Variants in FBRS observed in about 807,000 individuals in gnomAD.
FBRS encodes the protein fibrosin, also known as probable fibrosin-1.
FBRS carries 15 observed loss-of-function variants against 86.1 expected under a neutral mutation model. The ratio of observed to expected loss-of-function variants is 0.17; its 90% CI spans 0.12 to 0.27. The LOEUF is 0.27. Ranked by LOEUF, FBRS falls within the 10% of genes least tolerant of loss-of-function variation. The probability of loss-of-function intolerance (pLI) is 1.00; values close to 1 mark genes in which losing one functional copy is unlikely to be tolerated. For synonymous variants in FBRS, 666 were observed against 575.8 expected (o/e 1.16, Z -2.24); for missense variants, 1,367 against 1,301.6 (o/e 1.05, Z -0.77).
Position 30,670,170 on chromosome 16 carries a change from T to C in FBRS, c.*525T>C, listed in dbSNP as rs2052579784. ...CCCCTCCCAACAGTTCCCTTCCTGG[T>C]TAATTAAACCCTCAGACTGGTGCTG... On this transcript the variant is annotated 3_prime_UTR_variant, in exon 18 of 18. Coordinates refer to ENST00000356166, the MANE Select transcript of FBRS (RefSeq NM_001105079.3). The C allele has an allele frequency of 2.2e-6, 1 of 458,466 alleles. No homozygotes were observed. Among genetic ancestry groups the C allele is most frequent in the Admixed American group, 2.3e-5 (1 of 42,566 alleles). The allele number at this position is 458,466 out of a possible 1,614,324, so 28.4% of individuals were successfully genotyped here.
chr16:30,670,384 A>G lies in FBRS; in HGVS notation c.*739A>G, dbSNP rs1043939468. The G allele has an allele frequency of 3.3e-5, 12 of 361,416 alleles. No homozygotes were observed. Among genetic ancestry groups the G allele is most frequent in the Non-Finnish European group, 6.5e-5 (12 of 184,986 alleles). 22.4% of individuals were successfully genotyped at this position (361,416 alleles called of 1,614,324 possible). ...TTGGCTGACAGCCCCGGTTCCCCCA[A>G]CATGTTCCCGTTCACTCTGCCCCCA... On this transcript the variant is annotated 3_prime_UTR_variant, in exon 18 of 18. Transcript: ENST00000356166.
At chr16:30,660,226 T>C in intron 1 of FBRS, 37 bp from the exon 2 acceptor site, 1 of 1,333,798 alleles carries the variant, frequency 7.5e-7, no homozygotes, top group Non-Finnish European at 9.7e-7. Flanking sequence ...GAGCTTGCCC[T>C]TTTCCATCTA....
rs1567543370 is a variant in FBRS, at chr16:30,660,282, C to G, written c.479C>G (p.Pro160Arg). The G allele has an allele frequency of 7.6e-7, 1 of 1,309,448 alleles. No individual in the cohort carries two copies. The highest frequency in any genetic ancestry group is 9.8e-7 in the Non-Finnish European group (1 of 1,021,586). 81.1% of individuals were successfully genotyped at this position (1,309,448 alleles called of 1,614,324 possible). Residue 160 changes from proline to arginine, a missense_variant, in exon 2 of 18, where the codon CCC becomes CGC. Transcript: ENST00000356166. ...EALQKDASLQ[P>R]PERLEHRLKH... ...CCACAGAAGGATGCATCTCTTCAGC[C>G]CCCAGAGCGACTGGAACATCGGCTG...
chr16:30,661,732 C>A, intron 4 of FBRS, among the ~76,000 whole-genome samples: 1 of 152,114 alleles, frequency 6.6e-6, no homozygotes, highest in East Asian at 1.9e-4. Flanking sequence ...TCATTGTAGT[C>A]AGTGTAGGGA....
rs1490634181 is a variant in FBRS, at chr16:30,669,142, C to G, written c.2440C>G (p.Pro814Ala). 2.5e-6 allele frequency: 4 copies of G among 1,570,576 alleles called. No homozygotes were observed. Among genetic ancestry groups the G allele is most frequent in the Non-Finnish European group, 3.5e-6 (4 of 1,158,888 alleles). Residue 814 changes from proline to alanine, a missense_variant, in exon 18 of 18, where the codon CCT (proline) becomes GCT (alanine). Physicochemically the swap from Pro to Ala is conservative, Grantham distance 27 (BLOSUM62 -1). Around this residue, in one of 3 missense-constraint regions of FBRS, gnomAD observed 659 missense variants for 678.8 expected, o/e 0.97. Transcript: ENST00000356166. This position sits in a 1 kb window ranked among gnomAD's most constrained non-coding sequence, Gnocchi z 5.9. ...TPKARAGEEG[P>A]RPTKESVRVK... is the part of the protein sequence containing the mutation. ...CAAGGCCCGGGCTGGTGAGGAGGGG[C>G]CTCGGCCAACCAAGGAATCTGTGCG...
intron 11 of FBRS, chr16:30,666,275 C>T: frequency 1.7e-6 from 1 of 598,666 alleles, no homozygotes; most frequent in Admixed American, 3.0e-5. Flanking sequence ...GCCCCCTCAC[C>T]ACCCGCAGCC....
Position 30,669,608 on chromosome 16 carries a change from C to T in FBRS, c.2906C>T (p.Pro969Leu). 1 of 1,608,398 alleles carries T rather than the reference C, an allele frequency of 6.2e-7. No individual in the cohort carries two copies. The highest frequency in any genetic ancestry group is 8.5e-7 in the Non-Finnish European group (1 of 1,178,706). ...PLVPAPRPSS[P>L]PRGPGPARAD... ...GTGCCCGCCCCCCGGCCCAGTTCCC[C>T]ACCTAGGGGCCCTGGCCCAGCTCGG... The change falls in exon 18 of 18, where the codon CCA (proline) becomes CTA (leucine). Residue 969 changes from proline (P) to leucine (L), a missense_variant. Transcript: ENST00000356166. This position sits in a 1 kb window ranked among gnomAD's most constrained non-coding sequence, Gnocchi z 5.9.
At position 30,660,364 on chromosome 16, in the gene FBRS, G is replaced by A. The variant is rs2052443751; in HGVS notation, c.561G>A (p.Gly187=). The part of the protein sequence containing the change: ...GGSSGATGEP[G]DSSDREPGRP... ...CCAGTGGGGCCACCGGGGAGCCAGGGGACAGCTCTGATCGAGAGCCTGGCC... is the reference window on the plus strand; with the variant it reads ...CCAGTGGGGCCACCGGGGAGCCAGGAGACAGCTCTGATCGAGAGCCTGGCC... The change falls in exon 2 of 18, where the codon GGG becomes GGA. Residue 187 remains glycine, a synonymous_variant. Transcript: ENST00000356166. The A allele has an allele frequency of 4.7e-6, 6 of 1,278,402 alleles. No homozygotes were observed. In the Admixed American group the frequency reaches 1.1e-4, roughly 24 times the overall value. The allele number at this position is 1,278,402 out of a possible 1,614,324, so 79.2% of individuals were successfully genotyped here.
Position 30,665,899 on chromosome 16 carries a change from G to A in FBRS, c.1773+193G>A. ...TGAGGAATGAGAGTTTCATGAGCTT[G>A]TCCCAGAAATAGGATGATTAGGACA... On this transcript the variant is annotated intron_variant, in intron 11 of 17. Coordinates refer to ENST00000356166, the MANE Select transcript of FBRS (RefSeq NM_001105079.3). This position sits in a 1 kb window ranked among gnomAD's most constrained non-coding sequence, Gnocchi z 4.1. The A allele has an allele frequency of 1.8e-6, 1 of 569,906 alleles. No homozygotes were observed. Among genetic ancestry groups the A allele is most frequent in the East Asian group, 3.0e-5 (1 of 33,204 alleles). 35.3% of individuals were successfully genotyped at this position (569,906 alleles called of 1,614,324 possible). A position where few individuals can be genotyped will look rare whatever the true frequency, so the allele number is the denominator to read the frequency against.
chr16:30,660,080 C>A, intron 1 of FBRS, 103 bp downstream of exon 1: 1 of 1,456,862 alleles, frequency 6.9e-7, no homozygotes, highest in Non-Finnish European at 9.1e-7. Context: ...GCTGGCACCC[C>A]AAACCAGAGC....
chr16:30,666,800 T>C (rs1017765633), intron 12 of FBRS, 119 bp from the exon 13 acceptor site: 24 of 1,199,334 alleles, frequency 2.0e-5, no homozygotes, highest in Non-Finnish European at 2.9e-5. Context: ...CCCTTGGTTG[T>C]AGGAATGATG....
intron 12 of FBRS, 147 bp from the exon 13 acceptor site, chr16:30,666,772 T>G: frequency 9.0e-7 from 1 of 1,114,364 alleles, no homozygotes; most frequent in Non-Finnish European, 1.3e-6. Context: ...TCCTAGGCTG[T>G]AAAATGAACC....
Position 30,665,210 on chromosome 16 carries a change from G to T in FBRS, c.1609-96G>T, listed in dbSNP as rs1354207377. 2 of 1,510,684 alleles carry T rather than the reference G, an allele frequency of 1.3e-6. No homozygotes were observed. The highest frequency in any genetic ancestry group is 8.9e-7 in the Non-Finnish European group (1 of 1,121,190). The allele number at this position is 1,510,684 out of a possible 1,614,324, so 93.6% of individuals were successfully genotyped here. The stretch of plus-strand genomic sequence containing the variant: ...AGCCTTGAGCCTGGGACAGCTCCCT[G>T]GGGGGCTTTAGGGTGGAGGCCCGTG... On this transcript the variant is annotated intron_variant, in intron 9 of 17. Coordinates refer to ENST00000356166, the MANE Select transcript of FBRS (RefSeq NM_001105079.3). This position sits in a 1 kb window ranked among gnomAD's most constrained non-coding sequence, Gnocchi z 4.1.
At chr16:30,666,127 A>G in intron 11 of FBRS, 1 of 421,134 alleles carries the variant, frequency 2.4e-6, no homozygotes, top group East Asian at 4.5e-5. Flanking sequence ...AACGCACAGG[A>G]CCAGTTTCCT....
At position 30,659,132 on chromosome 16, in the gene FBRS, C is replaced by A. The variant is rs1035590978; in HGVS notation, c.-387C>A. On this transcript the variant is annotated 5_prime_UTR_variant, in exon 1 of 18. Transcript: ENST00000356166. ...TTTCGGCCCCTTTTAAAGGGGTGGC[C>A]CTTCCTCTTCCTCGGGGAGACTTGC... 1 of 152,450 alleles carries A rather than the reference C, an allele frequency of 6.6e-6. No individual in the cohort carries two copies. Among genetic ancestry groups the A allele is most frequent in the Non-Finnish European group, 1.5e-5 (1 of 68,224 alleles). The allele number at this position is 152,450 out of a possible 1,614,324, so 9.4% of individuals were successfully genotyped here.
At chr16:30,662,301 G>T in intron 4 of FBRS, 119 bp from the exon 5 acceptor site, 1 of 1,452,584 alleles carries the variant, frequency 6.9e-7, no homozygotes, top group Non-Finnish European at 9.3e-7. Context: ...CAGCTAAACT[G>T]AAGGAACAGA....
In FBRS at chr16:30,659,413, C is replaced by G. The variant is rs1267081737; in HGVS notation, c.-106C>G. On this transcript the variant is annotated 5_prime_UTR_variant, in exon 1 of 18. Transcript: ENST00000356166. Reference sequence around the variant, plus strand: ...CCGGCTTTAAAGGAGAAGCCGTGGCCCTCTCGTCACTGTGCAGCCGCCAGC... The same window carrying G: ...CCGGCTTTAAAGGAGAAGCCGTGGCGCTCTCGTCACTGTGCAGCCGCCAGC... 9.9e-6 allele frequency: 2 copies of G among 201,492 alleles called. No individual in the cohort carries two copies. Among genetic ancestry groups the G allele is most frequent in the Admixed American group, 5.9e-5 (1 of 16,858 alleles). The allele number at this position is 201,492 out of a possible 1,614,324, so 12.5% of individuals were successfully genotyped here.
chr16:30,667,128 TC>T, intron 13 of FBRS, 138 bp downstream of exon 13: 2 of 1,027,624 alleles, frequency 1.9e-6, no homozygotes, highest in Non-Finnish European at 2.9e-6. Flanking sequence ...GCTGAACAGT[TC>T]TATGGCTGGC....
rs1272261395 is a variant in FBRS, at chr16:30,670,404, C to G, written c.*759C>G. Reference sequence around the variant, plus strand: ...CCCCAACATGTTCCCGTTCACTCTGCCCCCACCCCCAAAGGCTCAGCCTCT... The same window carrying G: ...CCCCAACATGTTCCCGTTCACTCTGGCCCCACCCCCAAAGGCTCAGCCTCT... On this transcript the variant is annotated 3_prime_UTR_variant, in exon 18 of 18. Coordinates refer to ENST00000356166, the MANE Select transcript of FBRS (RefSeq NM_001105079.3). 2.8e-6 allele frequency: 1 copy of G among 356,642 alleles called. No individual in the cohort carries two copies. Among genetic ancestry groups the G allele is most frequent in the East Asian group, 7.8e-5 (1 of 12,762 alleles). The allele number at this position is 356,642 out of a possible 1,614,324, so 22.1% of individuals were successfully genotyped here. A position where few individuals can be genotyped will look rare whatever the true frequency, so the allele number is the denominator to read the frequency against.
Sources: allele counts gnomAD v4.1 joint callset (sites outside exome capture counted in the v4.1 genomes callset), GRCh38; gene constraint gnomAD v4.1.1; regional missense constraint gnomAD v4.1.1; non-coding constraint Gnocchi (gnomAD v3.1); transcripts MANE v1.5; gene names NCBI Gene and HGNC (gene_info 2026-07-23, HGNC 2026-07-21).